The following TASP1 variants were observed in gnomAD, a reference collection of about 807,000 sequenced individuals.
TASP1 encodes the protein threonine aspartase 1.
In TASP1, 16 loss-of-function variants were observed where a neutral mutation model predicts 56.6. That is an observed-to-expected ratio of 0.28 (90% confidence interval 0.19 to 0.43). The LOEUF (loss-of-function observed/expected upper bound fraction) is 0.43, where lower values mean the gene tolerates loss of function less well. Ranked by LOEUF, TASP1 falls within the 20% of genes least tolerant of loss-of-function variation. The probability of loss-of-function intolerance (pLI) is 1.00; values close to 1 mark genes in which losing one functional copy is unlikely to be tolerated. For missense variants in TASP1, 393 were observed against 511.6 expected (o/e 0.77, Z 2.24); for synonymous variants, 179 against 184.2 (o/e 0.97, Z 0.23).
At chr20:13,483,178 T>A in intron 11 of TASP1, 49 bp downstream of exon 11, 1 of 1,370,670 alleles carries the variant, frequency 7.3e-7, no homozygotes, top group Non-Finnish European at 1.0e-6. Flanking sequence ...CTTATAGAAG[T>A]GAAATAATCC....
chr20:13,299,259 G>A, the TASP1 span: 2 of 1,607,452 alleles, frequency 1.2e-6, no homozygotes, highest in Non-Finnish European at 1.7e-6. This position sits in a 1 kb window ranked among gnomAD's most constrained non-coding sequence, Gnocchi z 5.8. Flanking sequence ...CAGGGGCAAG[G>A]GGGCGGGCAC....
the TASP1 span, among the ~76,000 whole-genome samples, chr20:13,372,488 T>C: frequency 6.6e-6 from 1 of 151,764 alleles, no homozygotes; most frequent in Admixed American, 6.6e-5. Context: ...TTATTTTATA[T>C]ATATATGTAA....
intron 2 of TASP1, among the ~76,000 whole-genome samples, chr20:13,628,451 G>A (rs568228885): frequency 6.6e-6 from 1 of 152,272 alleles, no homozygotes; most frequent in South Asian, 2.1e-4. Flanking sequence ...ACTTTTAACT[G>A]GATTATTTCT....
chr20:13,265,073 G>A, the TASP1 span, among the ~76,000 whole-genome samples: 1 of 152,136 alleles, frequency 6.6e-6, no homozygotes, highest in Non-Finnish European at 1.5e-5. Flanking sequence ...ATTTAACTCT[G>A]TTATTTCATA....
At chr20:13,340,220 T>C in the TASP1 span, among the ~76,000 whole-genome samples, 2 of 152,156 alleles carry the variant, frequency 1.3e-5, no homozygotes, top group Non-Finnish European at 2.9e-5. Context: ...AGCTGCTGTC[T>C]TGAGACCATG....
intron 13 of TASP1, among the ~76,000 whole-genome samples, chr20:13,415,421 T>C (rs895122894): frequency 6.6e-6 from 1 of 150,618 alleles, no homozygotes; most frequent in Non-Finnish European, 1.5e-5. Context: ...GCCAAATCAT[T>C]AGTGTTTTTG....
At chr20:13,309,853 A>G in the TASP1 span, among the ~76,000 whole-genome samples, 1 of 94,474 alleles carries the variant, frequency 1.1e-5, no homozygotes, top group East Asian at 2.9e-4. Flanking sequence ...AACAGCATCA[A>G]AAAAAACTAA....
the TASP1 span, among the ~76,000 whole-genome samples, chr20:13,124,013 T>A: frequency 2.6e-5 from 4 of 152,126 alleles, no homozygotes; most frequent in African/African-American, 9.7e-5. Flanking sequence ...TGCTGTCTCT[T>A]TGAGGCACCT....
chr20:13,411,203 T>C (rs1201699180), intron 13 of TASP1, among the ~76,000 whole-genome samples: 1 of 152,188 alleles, frequency 6.6e-6, no homozygotes, highest in Non-Finnish European at 1.5e-5. Flanking sequence ...TTTATCATAA[T>C]GTTTTGGTTA....
chr20:13,216,444 T>C, the TASP1 span, among the ~76,000 whole-genome samples: 2 of 152,206 alleles, frequency 1.3e-5, no homozygotes, highest in Non-Finnish European at 2.9e-5. Context: ...CCTAGCTGTA[T>C]ACACGAAATT....
At chr20:13,487,237 CA>C (rs982774982) in intron 10 of TASP1, among the ~76,000 whole-genome samples, 1 of 152,112 alleles carries the variant, frequency 6.6e-6, no homozygotes, top group African/African-American at 2.4e-5. Flanking sequence ...ATTCACTTGC[CA>C]GGCTGTTATT....
chr20:13,387,184 A>ATTTTT (rs779048448), downstream of TASP1, among the ~76,000 whole-genome samples: 55 of 70,696 alleles, frequency 7.8e-4, 4 homozygotes, highest in African/African-American at 1.9e-3. Context: ...ACATGATTTC[A>ATTTTT]TTTTTTTTTT....
chr20:13,108,341 T>C, the TASP1 span, among the ~76,000 whole-genome samples: 1 of 152,196 alleles, frequency 6.6e-6, no homozygotes, highest in Admixed American at 6.5e-5. Context: ...AGAGTTGCAG[T>C]GTGGAAAAGT....
At chr20:13,633,825 T>C (rs1031245754) in intron 1 of TASP1, among the ~76,000 whole-genome samples, 1 of 150,716 alleles carries the variant, frequency 6.6e-6, no homozygotes, top group Non-Finnish European at 1.5e-5. Context: ...GTAACAGGTT[T>C]AGACCAAAAA....
chr20:13,316,910 A>G, the TASP1 span, among the ~76,000 whole-genome samples: 1 of 151,902 alleles, frequency 6.6e-6, no homozygotes, highest in Non-Finnish European at 1.5e-5. Flanking sequence ...TTCCTTTTCA[A>G]CATCATACTA....
At chr20:13,565,607 CA>C (rs1447727804) in intron 7 of TASP1, among the ~76,000 whole-genome samples, 5 of 152,122 alleles carry the variant, frequency 3.3e-5, no homozygotes, top group African/African-American at 1.2e-4. Flanking sequence ...ACAGCATAAT[CA>C]TTATGGAAAT....
At chr20:13,161,827 C>T in the TASP1 span, among the ~76,000 whole-genome samples, 1 of 152,168 alleles carries the variant, frequency 6.6e-6, no homozygotes, top group Non-Finnish European at 1.5e-5. Context: ...CACATGTGCA[C>T]ACACACGCAC....
the TASP1 span, among the ~76,000 whole-genome samples, chr20:13,200,290 T>G: frequency 3.9e-5 from 6 of 152,184 alleles, no homozygotes; most frequent in Non-Finnish European, 8.8e-5. Context: ...CACCATCAGG[T>G]GTTGAGTGCT....
chr20:13,445,890 T>A (rs761983751), intron 11 of TASP1, among the ~76,000 whole-genome samples: 3 of 152,128 alleles, frequency 2.0e-5, no homozygotes, highest in Non-Finnish European at 4.4e-5. Context: ...CTAGAAGCCA[T>A]GAATTTGAGA....
Sources: allele counts gnomAD v4.1 joint callset (sites outside exome capture counted in the v4.1 genomes callset), GRCh38; gene constraint gnomAD v4.1.1; non-coding constraint Gnocchi (gnomAD v3.1); transcripts MANE v1.5; gene names NCBI Gene and HGNC (gene_info 2026-07-23, HGNC 2026-07-21).